Variants in FRMD4B observed in about 807,000 individuals in gnomAD.
FRMD4B encodes FERM domain-containing protein 4B.
Under a neutral mutation model 141.5 loss-of-function variants are expected in FRMD4B, and 74 were observed. The ratio of observed to expected loss-of-function variants is 0.52; its 90% CI spans 0.43 to 0.63. FRMD4B has a LOEUF of 0.63. Among genes scored for constraint, FRMD4B ranks in the 30% least tolerant of loss-of-function variants. The probability of loss-of-function intolerance (pLI) is 0.00; values close to 1 mark genes in which losing one functional copy is unlikely to be tolerated. For missense variants in FRMD4B, 1,366 were observed against 1,253.4 expected, an observed-to-expected ratio of 1.09 and a Z score of -1.36; for synonymous variants, 506 against 467.9, an observed-to-expected ratio of 1.08 and a Z score of -1.05.
At chr3:69,335,041 T>C (rs1702496572) in intron 1 of FRMD4B, among the ~76,000 whole-genome samples, 1 of 152,156 alleles carries the variant, frequency 6.6e-6, no homozygotes, top group African/African-American at 2.4e-5. Context: ...CCCAGCACTT[T>C]GGGAGGCTGA....
intron 4 of FRMD4B, among the ~76,000 whole-genome samples, chr3:69,290,059 T>C (rs182695093): frequency 6.6e-6 from 1 of 152,332 alleles, no homozygotes; most frequent in East Asian, 1.9e-4. Context: ...TAATTTTGTC[T>C]CAGCTTTTCC....
At chr3:69,189,652 T>C (rs974654914) in intron 18 of FRMD4B, among the ~76,000 whole-genome samples, 3 of 152,176 alleles carry the variant, frequency 2.0e-5, no homozygotes, top group African/African-American at 7.2e-5. Context: ...ACTTAGATAC[T>C]CCCGTGAGGG....
chr3:69,415,766 G>A (rs1015028517), intron 2 of FRMD4B, among the ~76,000 whole-genome samples: 41 of 152,162 alleles, frequency 2.7e-4, no homozygotes, highest in African/African-American at 9.9e-4. Context: ...GGGGCTGTGG[G>A]GTTTTGAGAG....
intron 5 of FRMD4B, among the ~76,000 whole-genome samples, chr3:69,262,920 T>C (rs554179210): frequency 6.6e-6 from 1 of 152,244 alleles, no homozygotes; most frequent in African/African-American, 2.4e-5. Context: ...GTATGACTCC[T>C]GTCATACAAA....
intron 1 of FRMD4B, among the ~76,000 whole-genome samples, chr3:69,348,116 A>T (rs1191982911): frequency 6.6e-6 from 1 of 152,186 alleles, no homozygotes; most frequent in Non-Finnish European, 1.5e-5. Flanking sequence ...AGAGAGAAGA[A>T]TCAAATAGAT....
intron 2 of FRMD4B, among the ~76,000 whole-genome samples, chr3:69,312,697 G>A (rs879417780): frequency 2.6e-5 from 4 of 152,106 alleles, no homozygotes; most frequent in African/African-American, 9.7e-5. Context: ...TCAGGAGTTC[G>A]AGGCCAGCCT....
chr3:69,285,640 T>C (rs529772467), intron 5 of FRMD4B, among the ~76,000 whole-genome samples: 135 of 152,126 alleles, frequency 8.9e-4, no homozygotes, highest in African/African-American at 3.2e-3. Flanking sequence ...GGTCAGGAGT[T>C]TGAGACCAGC....
intron 3 of FRMD4B, among the ~76,000 whole-genome samples, chr3:69,305,589 C>A (rs530224786): frequency 1.3e-5 from 2 of 152,194 alleles, no homozygotes; most frequent in South Asian, 4.2e-4. Context: ...AAAGATGCAT[C>A]ATTTTAAAAG....
At chr3:69,420,290 C>CCA (rs1553641598) in intron 2 of FRMD4B, among the ~76,000 whole-genome samples, 5 of 131,992 alleles carry the variant, frequency 3.8e-5, no homozygotes, top group Non-Finnish European at 8.0e-5. Flanking sequence ...AAAGGGATAT[C>CCA]AAAAAAAAAA....
intron 1 of FRMD4B, among the ~76,000 whole-genome samples, chr3:69,363,902 G>T (rs959457510): frequency 1.3e-5 from 2 of 152,160 alleles, no homozygotes; most frequent in African/African-American, 4.8e-5. Flanking sequence ...AGACAATTTG[G>T]TGATCACCTC....
At chr3:69,371,761 G>A (rs922471382) in intron 1 of FRMD4B, among the ~76,000 whole-genome samples, 1 of 152,212 alleles carries the variant, frequency 6.6e-6, no homozygotes, top group Non-Finnish European at 1.5e-5. Context: ...GAAGAATGGA[G>A]TTGCCATTTA....
At chr3:69,510,968 G>C (rs1706676918) in intron 1 of FRMD4B, among the ~76,000 whole-genome samples, 1 of 152,098 alleles carries the variant, frequency 6.6e-6, no homozygotes, top group Non-Finnish European at 1.5e-5. Context: ...CAGACCAATA[G>C]AGCATTTTAT....
intron 5 of FRMD4B, among the ~76,000 whole-genome samples, chr3:69,257,992 AT>A (rs564246452): frequency 5.3e-5 from 8 of 151,126 alleles, no homozygotes; most frequent in Admixed American, 2.0e-4. Context: ...ACACCAGGCT[AT>A]TTTTTTTTGT....
intron 5 of FRMD4B, among the ~76,000 whole-genome samples, chr3:69,251,065 A>G (rs930890399): frequency 2.6e-5 from 4 of 152,232 alleles, no homozygotes; most frequent in Non-Finnish European, 5.9e-5. Flanking sequence ...TTACTAAACC[A>G]TATTATAACA....
chr3:69,203,341 A>AT (rs1553700367), intron 11 of FRMD4B, among the ~76,000 whole-genome samples: 3 of 77,042 alleles, frequency 3.9e-5, no homozygotes, highest in East Asian at 3.1e-4. Context: ...AAAAAAAAAA[A>AT]AAAGAAAGAA....
chr3:69,407,420 T>A (rs1045665772), intron 2 of FRMD4B, among the ~76,000 whole-genome samples: 1 of 152,194 alleles, frequency 6.6e-6, no homozygotes, highest in Admixed American at 6.5e-5. Context: ...ACTCTACTAT[T>A]TAAAGGGAGG....
intron 19 of FRMD4B, among the ~76,000 whole-genome samples, chr3:69,185,030 G>A (rs762999309): frequency 1.6e-4 from 24 of 152,218 alleles, no homozygotes; most frequent in South Asian, 4.1e-4. Context: ...GTGACCTGGC[G>A]CGGTGGCTCA....
At chr3:69,304,707 C>G (rs9872564) in intron 3 of FRMD4B, among the ~76,000 whole-genome samples, 77,053 of 151,856 alleles carry the variant, frequency 0.51, 20,124 homozygotes, top group African/African-American at 0.61. Flanking sequence ...CTTTTCCGAG[C>G]TTGTCCAACT....
chr3:69,453,916 C>T (rs906748010), intron 1 of FRMD4B, among the ~76,000 whole-genome samples: 4 of 152,090 alleles, frequency 2.6e-5, no homozygotes, highest in African/African-American at 9.7e-5. Flanking sequence ...AAACAAGAGT[C>T]CCCATAAGAA....
Sources: allele counts gnomAD v4.1 joint callset (sites outside exome capture counted in the v4.1 genomes callset), GRCh38; gene constraint gnomAD v4.1.1; transcripts MANE v1.5; gene names NCBI Gene and HGNC (gene_info 2026-07-23, HGNC 2026-07-21).